The following CCDC82 variants were observed in gnomAD, a reference collection of about 807,000 sequenced individuals.
CCDC82 encodes coiled-coil domain containing 82.
Under a neutral mutation model 60.6 loss-of-function variants are expected in CCDC82, and 47 were observed. That is an observed-to-expected ratio of 0.77 (90% CI 0.61 to 0.99). The LOEUF (loss-of-function observed/expected upper bound fraction) is 0.99, where lower values mean the gene tolerates loss of function less well. Among genes scored for constraint, CCDC82 ranks in the 50% least tolerant of loss-of-function variants. The pLI is 0.00. For synonymous variants in CCDC82, 212 were observed against 207.4 expected (o/e 1.02, Z -0.19); for missense variants, 588 against 633.0 (o/e 0.93, Z 0.76).
intron 8 of CCDC82, among the ~76,000 whole-genome samples, chr11:96,362,203 T>G (rs1435916390): frequency 6.6e-6 from 1 of 152,240 alleles, no homozygotes; most frequent in Non-Finnish European, 1.5e-5. Context: ...CCAGGCAGAC[T>G]TGGTAATATT....
chr11:96,369,388 C>A (rs138960897), intron 7 of CCDC82, among the ~76,000 whole-genome samples: 1 of 152,200 alleles, frequency 6.6e-6, no homozygotes, highest in Non-Finnish European at 1.5e-5. Flanking sequence ...TTAATCATTT[C>A]TCACTTTAGA....
At chr11:96,374,638 A>C (rs1865472337) in intron 5 of CCDC82, among the ~76,000 whole-genome samples, 1 of 152,154 alleles carries the variant, frequency 6.6e-6, no homozygotes, top group African/African-American at 2.4e-5. Context: ...GAAAAATGAA[A>C]TAATACTTCA....
chr11:96,353,758 G>T, intron 9 of CCDC82, 44 bp from the exon 10 acceptor site: 1 of 1,427,182 alleles, frequency 7.0e-7, no homozygotes, highest in Non-Finnish European at 9.8e-7. Flanking sequence ...TCAAAGCAAT[G>T]AAGACAAACT....
At chr11:96,380,350 T>TTA (rs1487915799) in intron 5 of CCDC82, among the ~76,000 whole-genome samples, 6 of 151,734 alleles carry the variant, frequency 4.0e-5, no homozygotes, top group African/African-American at 1.4e-4. Context: ...ACTGAGTAGA[T>TTA]AATAGAGCCG....
chr11:96,386,680 C>T (rs1866216020), intron 2 of CCDC82: 1 of 152,110 alleles, frequency 6.6e-6, no homozygotes, highest in Non-Finnish European at 1.5e-5. Flanking sequence ...GAGCCATTGC[C>T]CAAAGTATAA....
At chr11:96,374,619 G>T (rs6483500) in intron 5 of CCDC82, among the ~76,000 whole-genome samples, 3 of 151,928 alleles carry the variant, frequency 2.0e-5, no homozygotes, top group Non-Finnish European at 4.4e-5. Flanking sequence ...AAATCAGTAC[G>T]GCATAATTGA....
intron 5 of CCDC82, chr11:96,381,829 T>G (rs923618143): frequency 6.6e-6 from 1 of 151,838 alleles, no homozygotes; most frequent in African/African-American, 2.4e-5. Flanking sequence ...ATTATTTATT[T>G]GCTTTTTTCA....
intron 8 of CCDC82, among the ~76,000 whole-genome samples, chr11:96,361,963 G>A (rs746337747): frequency 5.3e-5 from 8 of 152,142 alleles, no homozygotes; most frequent in Admixed American, 3.9e-4. Flanking sequence ...CACTATGCAC[G>A]GTTAAGCACA....
chr11:96,381,053 T>A (rs369851917), intron 5 of CCDC82: 1 of 151,658 alleles, frequency 6.6e-6, no homozygotes, highest in East Asian at 1.9e-4. Flanking sequence ...TGAGGAAGTA[T>A]ATTTGAACTC....
intron 8 of CCDC82, among the ~76,000 whole-genome samples, chr11:96,359,456 G>T (rs1864518115): frequency 6.6e-6 from 1 of 151,934 alleles, no homozygotes; most frequent in African/African-American, 2.4e-5. Flanking sequence ...AAAACAACAT[G>T]AAAAATGGTA....
chr11:96,375,149 G>A (rs936606341), intron 5 of CCDC82, among the ~76,000 whole-genome samples: 5 of 152,154 alleles, frequency 3.3e-5, no homozygotes, highest in Admixed American at 1.3e-4. Context: ...ATTAACAGAT[G>A]TGTTGAGAAA....
At chr11:96,370,469 A>C (rs964249149) in intron 7 of CCDC82, among the ~76,000 whole-genome samples, 4 of 152,196 alleles carry the variant, frequency 2.6e-5, no homozygotes, top group African/African-American at 4.8e-5. Flanking sequence ...AAAGCAAAGA[A>C]AGATGCCAAA....
chr11:96,384,630 T>C lies in CCDC82; in HGVS notation c.118A>G (p.Ser40Gly). ...KRSSISQLLDSDEELDSEEFD... is the reference protein window; with the variant it reads ...KRSSISQLLDGDEELDSEEFD... Reference sequence around the variant, plus strand: ...TCTTCACTATCAAGCTCTTCATCACTATCAAGTAATTGTGAGATACTACTT... The same window carrying C: ...TCTTCACTATCAAGCTCTTCATCACCATCAAGTAATTGTGAGATACTACTT... Residue 40 changes from serine (S) to glycine (G), a missense_variant, in exon 4 of 10, where the codon AGT (serine) becomes GGT (glycine). Ser to Gly is a moderately conservative substitution (Grantham distance 56). Coordinates refer to ENST00000646818, the MANE Select transcript of CCDC82 (RefSeq NM_024725.4). The C allele has an allele frequency of 6.2e-7, 1 of 1,613,598 alleles. No homozygotes were observed. Among genetic ancestry groups the C allele is most frequent in the South Asian group, 1.1e-5 (1 of 91,064 alleles).
intron 8 of CCDC82, among the ~76,000 whole-genome samples, chr11:96,362,160 A>C (rs78718156): frequency 1.3e-5 from 2 of 152,290 alleles, no homozygotes; most frequent in Non-Finnish European, 2.9e-5. Context: ...TCTAGATAAC[A>C]AACTGAGGCA....
intron 4 of CCDC82, 136 bp downstream of exon 4, chr11:96,383,826 G>A: frequency 2.5e-6 from 2 of 801,740 alleles, no homozygotes; most frequent in Non-Finnish European, 3.8e-6. Context: ...AATCAAACAT[G>A]TTCAAGAATA....
intron 1 of CCDC82, 140 bp downstream of exon 1, chr11:96,389,704 C>T (rs1008609314): frequency 6.6e-6 from 1 of 152,418 alleles, no homozygotes; most frequent in Non-Finnish European, 1.5e-5. Context: ...CTCCGGCCCA[C>T]CCAAAGAGCG....
rs774577085 is a variant in CCDC82, at chr11:96,359,079, T to C, written c.1480A>G (p.Met494Val). ...TGTTCATCTTCAACTTCTTCTGTCA[T>C]TGCAATGGTGCAACATTCCTGGTAT... Reference protein sequence around the residue: ...KLYQECCTIAMTEEVEDEQVK... With the variant: ...KLYQECCTIAVTEEVEDEQVK... The change falls in exon 9 of 10, where the codon ATG (methionine) becomes GTG (valine). Residue 494 changes from methionine (M) to valine (V), a missense_variant. Physicochemically the swap from Met to Val is conservative, Grantham distance 21 (BLOSUM62 1). Coordinates refer to ENST00000646818, the MANE Select transcript of CCDC82 (RefSeq NM_024725.4). 2.5e-6 allele frequency: 4 copies of C among 1,607,374 alleles called. No individual in the cohort carries two copies. Among genetic ancestry groups the C allele is most frequent in the South Asian group, 2.3e-5 (2 of 88,804 alleles).
chr11:96,355,631 CT>C (rs1864304736), intron 9 of CCDC82: 1 of 152,076 alleles, frequency 6.6e-6, no homozygotes, highest in Non-Finnish European at 1.5e-5. Flanking sequence ...AATACTTAAG[CT>C]TATACTTTTA....
intron 2 of CCDC82, chr11:96,386,925 A>C (rs371962313): frequency 6.6e-6 from 1 of 152,210 alleles, no homozygotes; most frequent in East Asian, 1.9e-4. Flanking sequence ...ACGTCCACCC[A>C]GTTTCTCCTC....
Sources: gnomAD v4.1 joint callset for allele counts (sites outside exome capture counted in the v4.1 genomes callset) on GRCh38, gnomAD v4.1.1 for gene constraint, MANE v1.5 for transcripts, NCBI Gene and HGNC (gene_info 2026-07-23, HGNC 2026-07-21) for gene names.